The following NCOA6 variants were observed in gnomAD, a reference collection of about 807,000 sequenced individuals.
NCOA6 encodes the protein NRC RAP250.
A neutral mutation model predicts 171.4 loss-of-function variants in NCOA6; 49 were observed. The ratio of observed to expected loss-of-function variants is 0.29; its 90% CI spans 0.23 to 0.36. The LOEUF (loss-of-function observed/expected upper bound fraction) is 0.36. NCOA6 is among the 10% of genes least tolerant of loss of function. The pLI is 1.00. For synonymous variants in NCOA6, 910 were observed against 927.5 expected (o/e 0.98, Z 0.34); for missense variants, 2,248 against 2,554.5 (o/e 0.88, Z 2.59).
At chr20:34,727,030 C>T (rs191330941) in intron 14 of NCOA6, among the ~76,000 whole-genome samples, 10 of 152,234 alleles carry the variant, frequency 6.6e-5, no homozygotes, top group African/African-American at 2.4e-4. Context: ...ATAAATCTGC[C>T]CTGTTATGTT....
chr20:34,749,876 C>T lies in NCOA6; in HGVS notation c.2319G>A (p.Val773=), dbSNP rs1286051225. Residue 773 remains valine (V), a synonymous_variant, in exon 9 of 15, where the codon GTG becomes GTA. Coordinates refer to ENST00000359003, the MANE Select transcript of NCOA6 (RefSeq NM_014071.5). ...CCATAACCTGAGATGGACTGTTGTT[C>T]ACAGGCCCTTGCTGGGGCAGCATCT... The part of the protein sequence containing the change: ...SGQMLPQQGP[V]NNSPSQVMGI... 1.2e-6 allele frequency: 2 copies of T among 1,614,256 alleles called. No individual in the cohort carries two copies. The highest frequency in any genetic ancestry group is 1.6e-4 in the Middle Eastern group (1 of 6,062).
chr20:34,790,754 A>G (rs2146316763), intron 2 of NCOA6, among the ~76,000 whole-genome samples: 1 of 152,168 alleles, frequency 6.6e-6, no homozygotes, highest in African/African-American at 2.4e-5. Context: ...GGTTCAAGTG[A>G]TTCTCCTGCC....
chr20:34,758,829 T>G lies in NCOA6; in HGVS notation c.619A>C (p.Thr207Pro). ...PGPNPELQPR[T>P]PRPASQSDAM... ...CCTGACTGAGAAGCAGGGCGAGGAG[T>G]CCTGGGCTGCAGCTCTGGATTGGGG... The change falls in exon 6 of 15, where the codon ACT becomes CCT. Residue 207 changes from threonine (T) to proline (P), a missense_variant. By Grantham distance (38) the Thr-to-Pro change is conservative. Coordinates refer to ENST00000359003, the MANE Select transcript of NCOA6 (RefSeq NM_014071.5). The G allele has an allele frequency of 6.2e-7, 1 of 1,612,566 alleles. No individual in the cohort carries two copies. The highest frequency in any genetic ancestry group is 1.1e-5 in the South Asian group (1 of 90,790).
rs769306494 is a variant in NCOA6 at position 34,755,014 on chromosome 20, T to G, written c.1529-146A>C. 1.2e-5 allele frequency: 9 copies of G among 751,146 alleles called. No homozygotes were observed. The African/African-American group carries it at 1.6e-4, about 13-fold the overall frequency. The allele number at this position is 751,146 out of a possible 1,614,324, so 46.5% of individuals were successfully genotyped here. ...ACTGGTAGGATCTTTAATAATAAGG[T>G]TGGGAAAGATGGTTAAAAAAATCAA... On this transcript the variant is annotated intron_variant, in intron 7 of 14. Coordinates refer to ENST00000359003, the MANE Select transcript of NCOA6 (RefSeq NM_014071.5).
intron 1 of NCOA6, among the ~76,000 whole-genome samples, chr20:34,798,583 G>C (rs2078158649): frequency 1.3e-5 from 2 of 152,272 alleles, no homozygotes; most frequent in East Asian, 3.9e-4. Flanking sequence ...CCACAGGGGT[G>C]CTTGTGTAAC....
intron 14 of NCOA6, among the ~76,000 whole-genome samples, chr20:34,726,583 G>C (rs1004006510): frequency 2.6e-5 from 4 of 152,056 alleles, no homozygotes; most frequent in Non-Finnish European, 5.9e-5. Context: ...TTAGGAGTTC[G>C]AGACCAGCCT....
At chr20:34,745,125 G>C (rs2076265668) in intron 10 of NCOA6, among the ~76,000 whole-genome samples, 1 of 152,216 alleles carries the variant, frequency 6.6e-6, no homozygotes, top group South Asian at 2.1e-4. Context: ...CTCAGGGAAT[G>C]CAAACTCCTA....
chr20:34,744,263 C>T (rs2076237424), intron 10 of NCOA6, among the ~76,000 whole-genome samples: 1 of 152,152 alleles, frequency 6.6e-6, no homozygotes, highest in South Asian at 2.1e-4. Flanking sequence ...TCTAGATATG[C>T]AGAGGGCAAC....
At chr20:34,725,895 T>C (rs1406902711) in intron 14 of NCOA6, among the ~76,000 whole-genome samples, 1 of 152,114 alleles carries the variant, frequency 6.6e-6, no homozygotes, top group African/African-American at 2.4e-5. Flanking sequence ...GGGTCTGTAC[T>C]AGAAATAGAA....
chr20:34,787,105 A>C (rs1392761263), intron 2 of NCOA6, among the ~76,000 whole-genome samples: 2 of 147,972 alleles, frequency 1.4e-5, no homozygotes, highest in Non-Finnish European at 3.0e-5. Context: ...GCCCACAAGA[A>C]ACTTAAACAA....
chr20:34,754,727 T>G lies in NCOA6; in HGVS notation c.1670A>C (p.His557Pro). 6.2e-7 allele frequency: 1 copy of G among 1,614,182 alleles called. No individual in the cohort carries two copies. The highest frequency in any genetic ancestry group is 8.5e-7 in the Non-Finnish European group (1 of 1,180,028). ...PQLQANQNVQ[H>P]AGGQGAGPPQ... ...ACAAATCACAGAAAACAAACCTGCA[T>G]GCTGGACATTTTGATTTGCTTGCAG... is the stretch of plus-strand genomic sequence containing the variant. Residue 557 changes from histidine to proline, a missense_variant, in exon 8 of 15, where the codon CAT becomes CCT. Around this residue, in one of 7 missense-constraint regions of NCOA6, gnomAD observed 987 missense variants for 1,104.7 expected, o/e 0.89. Coordinates refer to ENST00000359003, the MANE Select transcript of NCOA6 (RefSeq NM_014071.5).
At chr20:34,809,722 T>C (rs974423681) in intron 1 of NCOA6, among the ~76,000 whole-genome samples, 2 of 152,350 alleles carry the variant, frequency 1.3e-5, no homozygotes, top group South Asian at 2.1e-4. Flanking sequence ...ATCCCAGCAC[T>C]TTGAGAAGCC....
intron 1 of NCOA6, among the ~76,000 whole-genome samples, chr20:34,806,609 A>G (rs546107404): frequency 1.3e-4 from 20 of 152,198 alleles, no homozygotes; most frequent in African/African-American, 4.8e-4. Context: ...GTCTAGTTTC[A>G]TTCTTCTCCA....
intron 1 of NCOA6, chr20:34,819,489 T>C (rs1477987153): frequency 1.3e-5 from 2 of 152,198 alleles, no homozygotes; most frequent in Non-Finnish European, 2.9e-5. Flanking sequence ...GTTTGCAACC[T>C]CTGCTACAGA....
At chr20:34,782,083 A>T in intron 3 of NCOA6, 38 bp downstream of exon 3, 1 of 1,395,666 alleles carries the variant, frequency 7.2e-7, no homozygotes, top group East Asian at 2.4e-5. Flanking sequence ...ACATTTCAAA[A>T]ACAGTAACAG....
intron 3 of NCOA6, chr20:34,776,782 G>A (rs998184372): frequency 2.1e-6 from 1 of 472,524 alleles, no homozygotes; most frequent in Non-Finnish European, 4.2e-6. Flanking sequence ...GGCAATGAAC[G>A]GAAAGCCGTA....
chr20:34,816,400 C>T (rs943854866), intron 1 of NCOA6, among the ~76,000 whole-genome samples: 10 of 151,922 alleles, frequency 6.6e-5, no homozygotes, highest in African/African-American at 2.4e-4. Flanking sequence ...CTACTAGTGA[C>T]CTTATAAGGG....
chr20:34,718,687 G>C (rs1337568066), intron 14 of NCOA6, among the ~76,000 whole-genome samples: 1 of 152,100 alleles, frequency 6.6e-6, no homozygotes, highest in Non-Finnish European at 1.5e-5. Context: ...TGTATTTTTA[G>C]TAGAGATGGG....
chr20:34,749,591 A>G lies in NCOA6; in HGVS notation c.2604T>C (p.Cys868=). ...SGAPNGNQMS[C]GQNPGFPVNK... ...TGACTGGGAAGCCTGGATTTTGACC[A>G]CAGGACATCTGATTTCCATTGGGAG... The change falls in exon 9 of 15, where the codon TGT becomes TGC. Residue 868 remains cysteine, a synonymous_variant. Coordinates refer to ENST00000359003, the MANE Select transcript of NCOA6 (RefSeq NM_014071.5). The G allele has an allele frequency of 6.2e-7, 1 of 1,614,182 alleles. No individual in the cohort carries two copies. Among genetic ancestry groups the G allele is most frequent in the Non-Finnish European group, 8.5e-7 (1 of 1,180,036 alleles).
Sources: allele counts gnomAD v4.1 joint callset (sites outside exome capture counted in the v4.1 genomes callset), GRCh38; gene constraint gnomAD v4.1.1; regional missense constraint gnomAD v4.1.1; transcripts MANE v1.5; gene names NCBI Gene and HGNC (gene_info 2026-07-23, HGNC 2026-07-21).